SSH2: variants seen among roughly 807,000 people sequenced by gnomAD.
SSH2 encodes the protein slingshot protein phosphatase 2, also known as protein phosphatase Slingshot homolog 2.
In SSH2, 37 loss-of-function variants were observed where a neutral mutation model predicts 135.2. The observed-to-expected ratio is 0.27, with a 90% CI of 0.21 to 0.36. The LOEUF (loss-of-function observed/expected upper bound fraction) is 0.36. Ranked by LOEUF, SSH2 falls within the 10% of genes least tolerant of loss-of-function variation. The pLI is 1.00. For synonymous variants in SSH2, 628 were observed against 646.2 expected (o/e 0.97, Z 0.43); for missense variants, 1,408 against 1,765.3 (o/e 0.80, Z 3.63).
intron 2 of SSH2, among the ~76,000 whole-genome samples, chr17:29,818,512 T>C (rs571495934): frequency 1.3e-5 from 2 of 152,194 alleles, no homozygotes; most frequent in Admixed American, 6.5e-5. Context: ...CCTCCCAAAG[T>C]GTTGGGATTA....
At chr17:29,866,859 G>A (rs1392357054) in intron 1 of SSH2, among the ~76,000 whole-genome samples, 1 of 152,080 alleles carries the variant, frequency 6.6e-6, no homozygotes, top group Non-Finnish European at 1.5e-5. Flanking sequence ...TAGAGACAAG[G>A]TCTCGCTCTG....
chr17:29,858,247 A>T (rs1391539394), intron 1 of SSH2, among the ~76,000 whole-genome samples: 3 of 152,224 alleles, frequency 2.0e-5, no homozygotes, highest in African/African-American at 7.2e-5. Flanking sequence ...CTCATTTTCT[A>T]ATATGCTATA....
chr17:29,836,573 T>C (rs1314676644), intron 2 of SSH2, among the ~76,000 whole-genome samples: 1 of 152,206 alleles, frequency 6.6e-6, no homozygotes, highest in Non-Finnish European at 1.5e-5. Flanking sequence ...AGAAATGTAA[T>C]GTGAAATAAC....
chr17:29,878,194 A>G (rs767934756), intron 1 of SSH2, among the ~76,000 whole-genome samples: 2 of 152,182 alleles, frequency 1.3e-5, no homozygotes, highest in Non-Finnish European at 2.9e-5. Flanking sequence ...TTCAGAGGCC[A>G]AGGAGGGCGG....
At chr17:29,764,112 G>A (rs530532079) in intron 3 of SSH2, among the ~76,000 whole-genome samples, 1 of 152,128 alleles carries the variant, frequency 6.6e-6, no homozygotes, top group South Asian at 2.1e-4. Flanking sequence ...ACCATGCCTG[G>A]CTAATTTTTT....
At chr17:29,707,674 C>T (rs902786365) in intron 3 of SSH2, among the ~76,000 whole-genome samples, 5 of 151,934 alleles carry the variant, frequency 3.3e-5, no homozygotes, top group Admixed American at 2.0e-4. Context: ...TATGGGCATA[C>T]GTCACCATAC....
intron 4 of SSH2, among the ~76,000 whole-genome samples, chr17:29,700,103 T>C (rs2038915850): frequency 6.6e-6 from 1 of 152,216 alleles, no homozygotes; most frequent in Non-Finnish European, 1.5e-5. Flanking sequence ...TATGCTCAAC[T>C]ACTGGCTCAA....
chr17:29,692,627 A>C (rs1334821786), intron 5 of SSH2, among the ~76,000 whole-genome samples: 3 of 152,244 alleles, frequency 2.0e-5, no homozygotes, highest in African/African-American at 7.2e-5. Context: ...AAATTCCAGA[A>C]GGTTATCAAT....
intron 1 of SSH2, among the ~76,000 whole-genome samples, chr17:29,905,223 C>A (rs1368403946): frequency 1.3e-5 from 2 of 152,170 alleles, no homozygotes; most frequent in African/African-American, 4.8e-5. Context: ...TGAGGCATTA[C>A]ACTACCCAAC....
intron 3 of SSH2, among the ~76,000 whole-genome samples, chr17:29,720,160 C>G (rs1369086302): frequency 6.6e-6 from 1 of 152,226 alleles, no homozygotes. Flanking sequence ...AAGGACACCA[C>G]AGTCCCATTG....
Position 29,897,692 on chromosome 17 carries a change from C to T in SSH2, c.63+32246G>A, listed in dbSNP as rs553138573. Among the ~76,000 whole-genome samples, 79 of 152,224 alleles carry T rather than the reference C, an allele frequency of 5.2e-4. No homozygotes were observed. In the Middle Eastern group the frequency reaches 0.02, roughly 39 times the overall value. On this transcript the variant is annotated intron_variant, in intron 1 of 15. Coordinates refer to ENST00000540801, the MANE Select transcript of SSH2 (RefSeq NM_001282129.2). ...ACAATAATAATGGGAGACTTTAACACCCCACTGTCAACATTAGACAGATCA... is the reference window on the plus strand; with the variant it reads ...ACAATAATAATGGGAGACTTTAACATCCCACTGTCAACATTAGACAGATCA...
At chr17:29,659,635 T>C (rs1236840264) in intron 11 of SSH2, among the ~76,000 whole-genome samples, 1 of 152,192 alleles carries the variant, frequency 6.6e-6, no homozygotes, top group Non-Finnish European at 1.5e-5. Flanking sequence ...GCCATTCTCC[T>C]GCCTCAGCTT....
chr17:29,742,881 G>A (rs2040617426), intron 3 of SSH2, among the ~76,000 whole-genome samples: 1 of 151,742 alleles, frequency 6.6e-6, no homozygotes, highest in African/African-American at 2.4e-5. Context: ...GTGATCCGCC[G>A]ACCTCAGCCT....
intron 3 of SSH2, among the ~76,000 whole-genome samples, chr17:29,724,338 G>A (rs1039636827): frequency 2.0e-5 from 3 of 152,014 alleles, no homozygotes; most frequent in Admixed American, 2.0e-4. Context: ...AGACCAGCCT[G>A]ACCAACATGG....
At chr17:29,913,711 C>T (rs1201338515) in intron 1 of SSH2, among the ~76,000 whole-genome samples, 4 of 151,450 alleles carry the variant, frequency 2.6e-5, no homozygotes, top group African/African-American at 7.3e-5. Context: ...CTCGGCTCAC[C>T]GCAACCTCTG....
chr17:29,922,447 AAATT>A (rs1341834561), intron 1 of SSH2, among the ~76,000 whole-genome samples: 1 of 152,244 alleles, frequency 6.6e-6, no homozygotes, highest in Non-Finnish European at 1.5e-5. Context: ...ACAACTCTGT[AAATT>A]AATTAAAAAT....
At chr17:29,644,821 A>G (rs2036308811) in intron 14 of SSH2, 1 of 151,928 alleles carries the variant, frequency 6.6e-6, no homozygotes, top group Non-Finnish European at 1.5e-5. Context: ...TAAATAAATA[A>G]ATAAATAAAT....
At chr17:29,668,125 G>A (rs2037351882) in intron 9 of SSH2, among the ~76,000 whole-genome samples, 1 of 152,184 alleles carries the variant, frequency 6.6e-6, no homozygotes, top group Non-Finnish European at 1.5e-5. Context: ...CTCCTTATTT[G>A]GAGATGAAAA....
intron 2 of SSH2, among the ~76,000 whole-genome samples, chr17:29,800,512 C>T (rs2042231152): frequency 6.6e-6 from 1 of 152,124 alleles, no homozygotes; most frequent in South Asian, 2.1e-4. Flanking sequence ...TGAAAAATGC[C>T]AGTCAATCTC....
Sources: gnomAD v4.1 joint callset for allele counts (sites outside exome capture counted in the v4.1 genomes callset) on GRCh38, gnomAD v4.1.1 for gene constraint, MANE v1.5 for transcripts, NCBI Gene and HGNC (gene_info 2026-07-23, HGNC 2026-07-21) for gene names.